The following DYNC2H1 variants were observed in gnomAD, a reference collection of about 807,000 sequenced individuals.
DYNC2H1 encodes the protein cytoplasmic dynein 2 heavy chain 1.
Under a neutral mutation model 570.0 loss-of-function variants are expected in DYNC2H1, and 410 were observed. The observed-to-expected ratio is 0.72, with a 90% CI of 0.66 to 0.78. The LOEUF (loss-of-function observed/expected upper bound fraction) is 0.78. Among genes scored for constraint, DYNC2H1 ranks in the 30% least tolerant of loss-of-function variants. The pLI is 0.00. For missense variants in DYNC2H1, 4,865 were observed against 5,046.4 expected, an observed-to-expected ratio of 0.96 and a Z score of 1.09; for synonymous variants, 1,688 against 1,677.6, an observed-to-expected ratio of 1.01 and a Z score of -0.15.
chr11:103,276,876 A>G (rs749267448), intron 70 of DYNC2H1, among the ~76,000 whole-genome samples: 1 of 152,094 alleles, frequency 6.6e-6, no homozygotes, highest in Non-Finnish European at 1.5e-5. Context: ...AAATTTCTTT[A>G]TATAAGGACA....
intron 40 of DYNC2H1, among the ~76,000 whole-genome samples, chr11:103,183,850 G>A (rs1007545069): frequency 6.6e-6 from 1 of 151,552 alleles, no homozygotes; most frequent in Non-Finnish European, 1.5e-5. Context: ...TAAGCACAGC[G>A]ATGTTTTTAA....
intron 36 of DYNC2H1, among the ~76,000 whole-genome samples, chr11:103,174,728 T>C (rs2514007): frequency 0.91 from 138,837 of 152,172 alleles, 63,404 homozygotes; most frequent in Admixed American, 0.93. Context: ...TCTTTCTTAC[T>C]GCGTCATATC....
chr11:103,203,802 A>G lies in DYNC2H1; in HGVS notation c.8311+26A>G, dbSNP rs1199271000. 1 of 1,462,204 alleles carries G rather than the reference A, an allele frequency of 6.8e-7. No homozygotes were observed. Among genetic ancestry groups the G allele is most frequent in the Non-Finnish European group, 9.4e-7 (1 of 1,058,404 alleles). 90.6% of individuals were successfully genotyped at this position (1,462,204 alleles called of 1,614,324 possible). Reference sequence around the variant, plus strand: ...GTAAGTGACATAGAATTCATTAATCAAATCAAACTGGTTTGTATGAAATAT... The same window carrying G: ...GTAAGTGACATAGAATTCATTAATCGAATCAAACTGGTTTGTATGAAATAT... On this transcript the variant is annotated intron_variant, in intron 51 of 88. Transcript: ENST00000375735. This position sits in a 1 kb window ranked among gnomAD's most constrained non-coding sequence, Gnocchi z 4.7.
chr11:103,134,592 A>G (rs1268076729), intron 15 of DYNC2H1, among the ~76,000 whole-genome samples, 173 bp downstream of exon 15: 1 of 152,156 alleles, frequency 6.6e-6, no homozygotes, highest in Non-Finnish European at 1.5e-5. Flanking sequence ...CATATGAACA[A>G]TCAATTTACA....
At chr11:103,230,795 A>C (rs1319104886) in intron 59 of DYNC2H1, among the ~76,000 whole-genome samples, 1 of 152,110 alleles carries the variant, frequency 6.6e-6, no homozygotes, top group African/African-American at 2.4e-5. Context: ...GCTTAAGCCT[A>C]GGAGTTTGAG....
Position 103,326,724 on chromosome 11 carries a change from G to A in DYNC2H1, c.12039+2734G>A, listed in dbSNP as rs765447844. Reference sequence around the variant, plus strand: ...GATCCTGCGGGGTGGCTATGGAGGGGCTCGGCAGTGGGAAGGCCTGCAGAA... The same window carrying A: ...GATCCTGCGGGGTGGCTATGGAGGGACTCGGCAGTGGGAAGGCCTGCAGAA... On this transcript the variant is annotated intron_variant, in intron 82 of 88. Coordinates refer to ENST00000375735, the MANE Select transcript of DYNC2H1 (RefSeq NM_001377.3). This position sits in a 1 kb window ranked among gnomAD's most constrained non-coding sequence, Gnocchi z 6.1. Among the ~76,000 whole-genome samples the A allele has an allele frequency of 2.0e-5, 3 of 152,220 alleles. No individual in the cohort carries two copies. Among genetic ancestry groups the A allele is most frequent in the Non-Finnish European group, 4.4e-5 (3 of 68,034 alleles).
chr11:103,308,041 G>A (rs894093099), intron 78 of DYNC2H1, among the ~76,000 whole-genome samples: 2 of 151,906 alleles, frequency 1.3e-5, no homozygotes, highest in Non-Finnish European at 2.9e-5. Context: ...TTTTTATTGT[G>A]GTAAGAAACA....
intron 17 of DYNC2H1, among the ~76,000 whole-genome samples, chr11:103,139,954 A>C (rs1323745155): frequency 5.9e-5 from 9 of 152,032 alleles, no homozygotes; most frequent in African/African-American, 1.9e-4. Flanking sequence ...GAATTGATCC[A>C]TTTACCATCA....
intron 52 of DYNC2H1, among the ~76,000 whole-genome samples, chr11:103,206,578 A>C (rs1862934291): frequency 6.6e-6 from 1 of 152,182 alleles, no homozygotes; most frequent in African/African-American, 2.4e-5. Context: ...GATGAAGAGG[A>C]AGAACCAAAG....
intron 70 of DYNC2H1, among the ~76,000 whole-genome samples, chr11:103,274,388 GA>G: frequency 6.6e-6 from 1 of 151,900 alleles, no homozygotes; most frequent in East Asian, 1.9e-4. Flanking sequence ...CAAATGAAAA[GA>G]ATTTGCTATA....
At chr11:103,213,057 T>C (rs908741054) in intron 54 of DYNC2H1, among the ~76,000 whole-genome samples, 2 of 152,160 alleles carry the variant, frequency 1.3e-5, no homozygotes, top group Admixed American at 6.5e-5. Context: ...AAAAACATGA[T>C]AGAAGGTAAA....
intron 5 of DYNC2H1, 80 bp downstream of exon 5, chr11:103,116,794 T>A: frequency 7.6e-7 from 1 of 1,313,526 alleles, no homozygotes; most frequent in Non-Finnish European, 1.0e-6. Context: ...AGTCCTTACT[T>A]AAAATGCTCC....
intron 54 of DYNC2H1, among the ~76,000 whole-genome samples, 153 bp from the exon 55 acceptor site, chr11:103,215,568 A>G (rs146144226): frequency 1.3e-5 from 2 of 152,198 alleles, no homozygotes; most frequent in African/African-American, 4.8e-5. Flanking sequence ...AAATTGTTAT[A>G]ATTAGCAATA....
chr11:103,317,113 AGTTTATT>A (rs546928300), intron 80 of DYNC2H1, among the ~76,000 whole-genome samples: 153 of 152,202 alleles, frequency 1.0e-3, no homozygotes, highest in Non-Finnish European at 1.3e-3. Flanking sequence ...TAATCTCTAA[AGTTTATT>A]GTGCAGGGCG....
chr11:103,437,112 C>A (rs919618441), intron 85 of DYNC2H1, among the ~76,000 whole-genome samples: 1 of 152,162 alleles, frequency 6.6e-6, no homozygotes, highest in Non-Finnish European at 1.5e-5. Flanking sequence ...AGACTCCATT[C>A]TGTCACTGAC....
intron 10 of DYNC2H1, 56 bp downstream of exon 10, chr11:103,121,552 G>C: frequency 6.4e-7 from 1 of 1,562,956 alleles, no homozygotes; most frequent in Non-Finnish European, 8.7e-7. Context: ...CTAAATTAAG[G>C]CATGTAGAAG....
At chr11:103,110,442 C>CT (rs1157665613) in intron 1 of DYNC2H1, among the ~76,000 whole-genome samples, 1 of 150,950 alleles carries the variant, frequency 6.6e-6, no homozygotes, top group Non-Finnish European at 1.5e-5. Flanking sequence ...TCTAGTCTAT[C>CT]TTTTTTGGAT....
chr11:103,176,317 T>G lies in DYNC2H1; in HGVS notation c.5757T>G (p.Asp1919Glu), dbSNP rs1263559945. Reference sequence around the variant, plus strand: ...CGTTTACTGATTGCACCCGGTTTGATGCACTGATAAAAGATGTCTTTCCGG... The same window carrying G: ...CGTTTACTGATTGCACCCGGTTTGAGGCACTGATAAAAGATGTCTTTCCGG... ...KFTFTDCTRF[D>E]ALIKDVFPGI... The change falls in exon 37 of 89, where the codon GAT becomes GAG. Residue 1919 changes from aspartate (D) to glutamate (E), a missense_variant. By Grantham distance (45) the Asp-to-Glu change is conservative (BLOSUM62 2). Around this residue, in one of 5 missense-constraint regions of DYNC2H1, gnomAD observed 292 missense variants for 300.2 expected, o/e 0.97. Coordinates refer to ENST00000375735, the MANE Select transcript of DYNC2H1 (RefSeq NM_001377.3). 2 of 1,564,758 alleles carry G rather than the reference T, an allele frequency of 1.3e-6. No individual in the cohort carries two copies. The highest frequency in any genetic ancestry group is 2.4e-5 in the South Asian group (2 of 83,880).
intron 84 of DYNC2H1, among the ~76,000 whole-genome samples, chr11:103,424,611 T>A (rs1322472032): frequency 6.6e-6 from 1 of 151,378 alleles, no homozygotes; most frequent in Non-Finnish European, 1.5e-5. Context: ...AAAATTGGAG[T>A]GCTACTCAGA....
Sources: allele counts gnomAD v4.1 joint callset (sites outside exome capture counted in the v4.1 genomes callset), GRCh38; gene constraint gnomAD v4.1.1; regional missense constraint gnomAD v4.1.1; non-coding constraint Gnocchi (gnomAD v3.1); transcripts MANE v1.5; gene names NCBI Gene and HGNC (gene_info 2026-07-23, HGNC 2026-07-21).